The following ABHD12 variants were observed in gnomAD, a reference collection of about 807,000 sequenced individuals.
ABHD12 encodes the protein abhydrolase domain containing 12, lysophospholipase.
ABHD12 carries 43 observed loss-of-function variants against 58.3 expected under a neutral mutation model. That is an observed-to-expected ratio of 0.74 (90% CI 0.58 to 0.95). The LOEUF (loss-of-function observed/expected upper bound fraction) is 0.95. Among genes scored for constraint, ABHD12 ranks in the 40% least tolerant of loss-of-function variants. The pLI is 0.00. For synonymous variants in ABHD12, 219 were observed against 211.2 expected (o/e 1.04, Z -0.32); for missense variants, 539 against 537.2 (o/e 1.00, Z -0.03).
At chr20:25,323,706 C>T (rs1183660383) in intron 2 of ABHD12, among the ~76,000 whole-genome samples, 1 of 152,104 alleles carries the variant, frequency 6.6e-6, no homozygotes, top group Non-Finnish European at 1.5e-5. Context: ...GCAGTGAGGG[C>T]AAGGTCTGTG....
rs1348577455 is a variant in ABHD12, at chr20:25,309,384, G to A, written c.749+62C>T. 4.3e-6 allele frequency: 7 copies of A among 1,610,424 alleles called. No individual in the cohort carries two copies. The Admixed American group carries it at 5.0e-5, about 12-fold the overall frequency. Reference sequence around the variant, plus strand: ...GGGATGGTGGACTCTCTAGATCCAGGCATGGGAGTCACCAGGAATACTGAC... The same window carrying A: ...GGGATGGTGGACTCTCTAGATCCAGACATGGGAGTCACCAGGAATACTGAC... On this transcript the variant is annotated intron_variant, in intron 7 of 12. Coordinates refer to ENST00000339157, the MANE Select transcript of ABHD12 (RefSeq NM_001042472.3).
chr20:25,330,818 C>T (rs1173027799), intron 2 of ABHD12, among the ~76,000 whole-genome samples: 4 of 152,180 alleles, frequency 2.6e-5, no homozygotes, highest in Non-Finnish European at 5.9e-5. Context: ...ATCTGTACAT[C>T]ACCATCATCA....
At chr20:25,345,997 A>C (rs933226930) in intron 1 of ABHD12, among the ~76,000 whole-genome samples, 1 of 152,238 alleles carries the variant, frequency 6.6e-6, no homozygotes, top group African/African-American at 2.4e-5. Context: ...AGACATTTAC[A>C]GCAGCTTTAT....
chr20:25,363,927 A>C (rs149251293), intron 1 of ABHD12, among the ~76,000 whole-genome samples: 93 of 152,336 alleles, frequency 6.1e-4, no homozygotes, highest in African/African-American at 1.9e-3. Context: ...TTATCAATGA[A>C]GAATTAGAAA....
downstream of ABHD12, chr20:25,300,048 A>G: frequency 3.0e-6 from 1 of 334,762 alleles, no homozygotes; most frequent in Non-Finnish European, 4.3e-6. Context: ...CAGGTGAACA[A>G]AACTTCCTAC....
At position 25,390,716 on chromosome 20, in the gene ABHD12, AG is replaced by A; in HGVS notation, c.-14del. The stretch of plus-strand genomic sequence containing the variant: ...TCCGCTTCCTCATCCCGCGGCCGAC[AG>A]GGCCAGCCGCCGACGGCGCCCGCTG... On this transcript the variant is annotated 5_prime_UTR_variant, in exon 1 of 13. Transcript: ENST00000339157. The A allele has an allele frequency of 7.4e-7, 1 of 1,352,904 alleles. No individual in the cohort carries two copies. Among genetic ancestry groups the A allele is most frequent in the South Asian group, 1.7e-5 (1 of 60,332 alleles). The allele number at this position is 1,352,904 out of a possible 1,614,324, so 83.8% of individuals were successfully genotyped here.
At chr20:25,325,556 A>T (rs553718882) in intron 2 of ABHD12, among the ~76,000 whole-genome samples, 1 of 152,318 alleles carries the variant, frequency 6.6e-6, no homozygotes, top group Non-Finnish European at 1.5e-5. Context: ...CCATGAGAAG[A>T]TGACCAAGAA....
intron 3 of ABHD12, among the ~76,000 whole-genome samples, chr20:25,321,324 C>T (rs899203481): frequency 6.6e-6 from 1 of 152,266 alleles, no homozygotes; most frequent in Non-Finnish European, 1.5e-5. Context: ...ATTCCTGGGC[C>T]TCTCCTCTCA....
chr20:25,369,309 G>C (rs2089867933), intron 1 of ABHD12, among the ~76,000 whole-genome samples: 1 of 152,080 alleles, frequency 6.6e-6, no homozygotes, highest in Admixed American at 6.5e-5. Context: ...TTGTTGCGGA[G>C]TTTTAAAATT....
intron 1 of ABHD12, among the ~76,000 whole-genome samples, chr20:25,349,055 G>A (rs1568749892): frequency 6.7e-6 from 1 of 149,048 alleles, no homozygotes; most frequent in African/African-American, 2.5e-5. Context: ...CTGCACTCCA[G>A]CCTGGGCAAC....
downstream of ABHD12, chr20:25,300,168 T>C (rs761890476): frequency 2.0e-6 from 2 of 987,794 alleles, no homozygotes; most frequent in African/African-American, 1.7e-5. Context: ...CTCTGGGGCA[T>C]GGAGGAGGCA....
intron 10 of ABHD12, among the ~76,000 whole-genome samples, chr20:25,305,255 T>C (rs1292105796): frequency 6.6e-6 from 1 of 152,280 alleles, no homozygotes; most frequent in African/African-American, 2.4e-5. Context: ...TTTTAATTTG[T>C]TCTATTTTTA....
At chr20:25,307,020 A>G (rs1224888038) in intron 9 of ABHD12, 105 bp from the exon 10 acceptor site, 23 of 817,044 alleles carry the variant, frequency 2.8e-5, no homozygotes, top group Non-Finnish European at 3.7e-5. Context: ...GGCGTTGCCC[A>G]TAACTACCCT....
At chr20:25,342,828 T>A (rs139362211) in intron 1 of ABHD12, among the ~76,000 whole-genome samples, 3 of 152,262 alleles carry the variant, frequency 2.0e-5, no homozygotes, top group African/African-American at 4.8e-5. Context: ...GCTCAAGTGA[T>A]CCTACCATCT....
At chr20:25,358,528 CCT>C (rs1418509728) in intron 1 of ABHD12, among the ~76,000 whole-genome samples, 4 of 152,192 alleles carry the variant, frequency 2.6e-5, no homozygotes, top group African/African-American at 4.8e-5. Flanking sequence ...GCATTTTATC[CCT>C]CTTTCTTTGC....
In ABHD12 at chr20:25,387,589, T is replaced by TAAAGAAAAA. The variant is rs779293077; in HGVS notation, c.191+2923_191+2924insTTTTTCTTT. Among the ~76,000 whole-genome samples, 14 of 85,252 alleles carry TAAAGAAAAA rather than the reference T, an allele frequency of 1.6e-4. No homozygotes were observed. In the Middle Eastern group the frequency reaches 0.025, roughly 155 times the overall value. The allele number at this position is 85,252 out of a possible 152,430, so 55.9% of individuals were successfully genotyped here. ...GCAACATAGTGAGACTTCATCTCTATTAAAAAAAAAAAAAAAAAATTAACC... is the reference window on the plus strand; with the variant it reads ...GCAACATAGTGAGACTTCATCTCTATAAAGAAAAATAAAAAAAAAAAAAAAAAATTAACC... On this transcript the variant is annotated intron_variant, in intron 1 of 12. Transcript: ENST00000339157.
chr20:25,389,251 A>G (rs568110246), intron 1 of ABHD12, among the ~76,000 whole-genome samples: 1 of 152,350 alleles, frequency 6.6e-6, no homozygotes, highest in African/African-American at 2.4e-5. Context: ...TTCACAAAAG[A>G]TATTGATCAG....
At chr20:25,382,902 T>C (rs1415774755) in intron 1 of ABHD12, among the ~76,000 whole-genome samples, 2 of 151,778 alleles carry the variant, frequency 1.3e-5, no homozygotes, top group Non-Finnish European at 2.9e-5. Flanking sequence ...ATTGATAAGG[T>C]ACACTGAGTT....
At chr20:25,325,083 G>A (rs2089149783) in intron 2 of ABHD12, among the ~76,000 whole-genome samples, 1 of 151,856 alleles carries the variant, frequency 6.6e-6, no homozygotes, top group Non-Finnish European at 1.5e-5. Context: ...ACATGCACCT[G>A]TGATCCCAGC....
Sources: gnomAD v4.1 joint callset for allele counts (sites outside exome capture counted in the v4.1 genomes callset) on GRCh38, gnomAD v4.1.1 for gene constraint, MANE v1.5 for transcripts, NCBI Gene and HGNC (gene_info 2026-07-23, HGNC 2026-07-21) for gene names.